Variants in STXBP6 observed in about 807,000 individuals in gnomAD.
The protein encoded by STXBP6 is syntaxin-binding protein 6.
In STXBP6, 21 loss-of-function variants were observed where a neutral mutation model predicts 26.9. The ratio of observed to expected loss-of-function variants is 0.78; its 90% CI spans 0.55 to 1.12. STXBP6 has a LOEUF of 1.12. STXBP6 is among the 50% of genes most tolerant of loss of function. The pLI, the probability that STXBP6 is intolerant of heterozygous loss-of-function variation, is 0.00. For missense variants in STXBP6, 232 were observed against 257.9 expected (o/e 0.90, Z 0.69); for synonymous variants, 97 against 92.6 (o/e 1.05, Z -0.27).
Position 24,974,900 on chromosome 14 carries a change from G to A in STXBP6, c.-32-50C>T. 2.5e-6 allele frequency: 3 copies of A among 1,220,182 alleles called. No homozygotes were observed. The East Asian group carries it at 7.8e-5, about 32-fold the overall frequency. The allele number at this position is 1,220,182 out of a possible 1,614,324, so 75.6% of individuals were successfully genotyped here. ...AAGTTGGAATTGACAACATTGTAAG[G>A]GTTCATACAATAATCAGCAGCAAGT... On this transcript the variant is annotated intron_variant, in intron 1 of 5. Transcript: ENST00000323944.
chr14:24,853,808 C>T (rs1174322852), intron 4 of STXBP6, among the ~76,000 whole-genome samples: 1 of 152,066 alleles, frequency 6.6e-6, no homozygotes, highest in Non-Finnish European at 1.5e-5. Context: ...CCCATCTCAA[C>T]TCTGCATAAT....
chr14:24,969,325 TAA>T (rs1293014257), intron 2 of STXBP6, among the ~76,000 whole-genome samples: 1 of 152,234 alleles, frequency 6.6e-6, no homozygotes, highest in African/African-American at 2.4e-5. Flanking sequence ...CTTATGGATA[TAA>T]AGAGTAGCAT....
chr14:24,986,263 T>C (rs2074330019), intron 1 of STXBP6, among the ~76,000 whole-genome samples: 1 of 152,186 alleles, frequency 6.6e-6, no homozygotes, highest in Non-Finnish European at 1.5e-5. Flanking sequence ...TGTTTTCTCA[T>C]TTGGCTATTG....
chr14:24,889,317 G>A (rs1040977367), intron 2 of STXBP6, among the ~76,000 whole-genome samples: 1 of 95,270 alleles, frequency 1.0e-5, no homozygotes. Flanking sequence ...CAATAACAAC[G>A]ACTATCAGGA....
Position 24,812,410 on chromosome 14 carries a change from T to G in STXBP6, c.*299A>C, listed in dbSNP as rs35534567. On this transcript the variant is annotated 3_prime_UTR_variant, in exon 6 of 6. Coordinates refer to ENST00000323944, the MANE Select transcript of STXBP6 (RefSeq NM_001394410.1). ...TTTCATATTCAAACTACAAAAAATA[T>G]TTTTTAATAAAGAAAACATATTCAA... is the stretch of plus-strand genomic sequence containing the variant. 859 of 258,990 alleles carry G rather than the reference T, an allele frequency of 3.3e-3. 1 individual carries two copies. Among genetic ancestry groups the G allele is most frequent in the Non-Finnish European group, 3.9e-3 (536 of 136,716 alleles). 16.0% of individuals were successfully genotyped at this position (258,990 alleles called of 1,614,324 possible).
In STXBP6 at chr14:25,049,774, C is replaced by T. The variant is rs1299976811; in HGVS notation, c.-33+104G>A. ...CTCCCCTGGCCTCACAGCCACCCGC[C>T]TCGGACGGAGCGCCAGGCGCCCCAA... On this transcript the variant is annotated intron_variant, in intron 1 of 5. Transcript: ENST00000323944. The surrounding 1 kb of genome is among the most constrained non-coding windows in gnomAD (Gnocchi z 5.6). 2.0e-6 allele frequency: 2 copies of T among 985,478 alleles called. No individual in the cohort carries two copies. The highest frequency in any genetic ancestry group is 2.3e-4 in the East Asian group (2 of 8,782). 61.0% of individuals were successfully genotyped at this position (985,478 alleles called of 1,614,324 possible). A position where few individuals can be genotyped will look rare whatever the true frequency, so the allele number is the denominator to read the frequency against.
intron 2 of STXBP6, among the ~76,000 whole-genome samples, chr14:24,864,320 T>C (rs879261808): frequency 4.6e-5 from 7 of 152,156 alleles, no homozygotes. Flanking sequence ...TACTGAAAAG[T>C]GTAGGGCAAA....
chr14:24,997,825 C>G, intron 1 of STXBP6, among the ~76,000 whole-genome samples: 1 of 151,950 alleles, frequency 6.6e-6, no homozygotes, highest in East Asian at 1.9e-4. Context: ...TTATTAAGTA[C>G]AACTTTTCTT....
intron 2 of STXBP6, among the ~76,000 whole-genome samples, chr14:24,963,263 T>G (rs187816995): frequency 5.0e-4 from 76 of 152,340 alleles, no homozygotes; most frequent in African/African-American, 1.8e-3. Context: ...ACTGCTTGTG[T>G]GCATTAGCTA....
intron 4 of STXBP6, among the ~76,000 whole-genome samples, chr14:24,829,054 AGGCCCTGTGC>A (rs1324322783): frequency 2.0e-5 from 3 of 152,170 alleles, no homozygotes; most frequent in African/African-American, 7.2e-5. Flanking sequence ...AGAATAAACC[AGGCCCTGTGC>A]CCCCTGTGCC....
chr14:24,905,010 T>G (rs2071339946), intron 2 of STXBP6, among the ~76,000 whole-genome samples: 1 of 152,200 alleles, frequency 6.6e-6, no homozygotes, highest in Non-Finnish European at 1.5e-5. Flanking sequence ...AGTGACAATG[T>G]GGCCTTGGGT....
chr14:25,047,413 C>T (rs2075743597), intron 1 of STXBP6, among the ~76,000 whole-genome samples: 1 of 152,184 alleles, frequency 6.6e-6, no homozygotes, highest in African/African-American at 2.4e-5. Context: ...AACACACCCC[C>T]AAAGAAACCT....
chr14:24,876,124 C>G (rs1292856625), intron 2 of STXBP6, among the ~76,000 whole-genome samples: 1 of 152,088 alleles, frequency 6.6e-6, no homozygotes, highest in Non-Finnish European at 1.5e-5. Context: ...AGAAGCAAGG[C>G]AGATCTCATT....
intron 1 of STXBP6, among the ~76,000 whole-genome samples, chr14:25,004,328 G>A (rs2074838988): frequency 6.6e-6 from 1 of 152,136 alleles, no homozygotes; most frequent in South Asian, 2.1e-4. Context: ...CTTCTTCCAT[G>A]CGGGCCCAGT....
At chr14:24,985,366 G>A (rs2074305104) in intron 1 of STXBP6, among the ~76,000 whole-genome samples, 1 of 152,232 alleles carries the variant, frequency 6.6e-6, no homozygotes, top group Non-Finnish European at 1.5e-5. Flanking sequence ...GATCTTGGAT[G>A]GCTGCCACAA....
At chr14:24,874,042 A>T (rs1396653381) in intron 2 of STXBP6, among the ~76,000 whole-genome samples, 3 of 152,162 alleles carry the variant, frequency 2.0e-5, no homozygotes, top group Admixed American at 2.0e-4. Context: ...TAGGATCACA[A>T]ACTAAAGTTA....
chr14:24,964,695 G>T (rs1165140435), intron 2 of STXBP6, among the ~76,000 whole-genome samples: 5 of 145,926 alleles, frequency 3.4e-5, no homozygotes, highest in South Asian at 2.2e-4. Flanking sequence ...GTAAAGGAAG[G>T]GTAACAGGAA....
intron 5 of STXBP6, chr14:24,818,093 C>T: frequency 2.2e-6 from 1 of 456,720 alleles, no homozygotes; most frequent in Admixed American, 2.3e-5. Context: ...CAGTTATTTT[C>T]TTCCCCGAAA....
At chr14:24,923,562 A>G (rs1194990370) in intron 2 of STXBP6, among the ~76,000 whole-genome samples, 1 of 152,074 alleles carries the variant, frequency 6.6e-6, no homozygotes, top group Non-Finnish European at 1.5e-5. Flanking sequence ...TCAATTTACA[A>G]TGTATTAGAG....
Sources: allele counts gnomAD v4.1 joint callset (sites outside exome capture counted in the v4.1 genomes callset), GRCh38; gene constraint gnomAD v4.1.1; non-coding constraint Gnocchi (gnomAD v3.1); transcripts MANE v1.5; gene names NCBI Gene and HGNC (gene_info 2026-07-23, HGNC 2026-07-21).